The following RIMS1 variants were observed in gnomAD, a reference collection of about 807,000 sequenced individuals.
RIMS1 encodes the protein regulating synaptic membrane exocytosis protein 1.
In RIMS1, 83 loss-of-function variants were observed where a neutral mutation model predicts 214.1. The observed-to-expected ratio is 0.39, with a 90% CI of 0.32 to 0.47. The LOEUF is 0.47. Ranked by LOEUF, RIMS1 falls within the 20% of genes least tolerant of loss-of-function variation. The probability of loss-of-function intolerance (pLI) is 0.99; values close to 1 mark genes in which losing one functional copy is unlikely to be tolerated. For missense variants in RIMS1, 2,050 were observed against 2,161.8 expected, an observed-to-expected ratio of 0.95 and a Z score of 1.03; for synonymous variants, 793 against 786.8, an observed-to-expected ratio of 1.01 and a Z score of -0.13.
intron 2 of RIMS1, among the ~76,000 whole-genome samples, chr6:72,081,905 G>T (rs1200257928): frequency 6.6e-6 from 1 of 152,164 alleles, no homozygotes; most frequent in African/African-American, 2.4e-5. Flanking sequence ...TTAATTAAAT[G>T]ATGAAAACAG....
chr6:72,261,018 T>C (rs1022063530), intron 19 of RIMS1: 3 of 1,275,166 alleles, frequency 2.4e-6, no homozygotes, highest in South Asian at 1.6e-5. Context: ...CTGGGACTGT[T>C]TGCGTTCCTA....
chr6:72,091,741 T>C (rs1035140052), intron 2 of RIMS1, among the ~76,000 whole-genome samples: 1 of 152,204 alleles, frequency 6.6e-6, no homozygotes, highest in African/African-American at 2.4e-5. Context: ...AAAGTTTCAA[T>C]ATCAATGCTT....
At chr6:72,203,307 G>A (rs2015943944) in intron 6 of RIMS1, among the ~76,000 whole-genome samples, 1 of 152,102 alleles carries the variant, frequency 6.6e-6, no homozygotes, top group African/African-American at 2.4e-5. Context: ...TATTTCTATG[G>A]CACCAAATAG....
At chr6:72,221,559 T>C (rs1473936870) in intron 6 of RIMS1, among the ~76,000 whole-genome samples, 1 of 152,042 alleles carries the variant, frequency 6.6e-6, no homozygotes, top group Non-Finnish European at 1.5e-5. Context: ...TTTACAAATA[T>C]ATTTCAAACG....
intron 2 of RIMS1, among the ~76,000 whole-genome samples, chr6:71,984,354 GAAA>G (rs571595357): frequency 7.0e-6 from 1 of 142,302 alleles, no homozygotes; most frequent in Admixed American, 7.0e-5. Context: ...TGAAGGAAAA[GAAA>G]AAAAAAAACT....
intron 2 of RIMS1, among the ~76,000 whole-genome samples, chr6:72,056,156 C>T (rs894691435): frequency 1.3e-5 from 2 of 152,010 alleles, no homozygotes; most frequent in Non-Finnish European, 2.9e-5. Context: ...CAAACTGACA[C>T]ACGAACAGAA....
At chr6:72,165,944 G>T (rs1301390999) in intron 4 of RIMS1, among the ~76,000 whole-genome samples, 1 of 152,046 alleles carries the variant, frequency 6.6e-6, no homozygotes, top group East Asian at 1.9e-4. Flanking sequence ...CATTAAATAT[G>T]GTATATGTCT....
chr6:72,208,444 G>T (rs1036483261), intron 6 of RIMS1, among the ~76,000 whole-genome samples: 1 of 152,146 alleles, frequency 6.6e-6, no homozygotes, highest in Admixed American at 6.5e-5. Flanking sequence ...ACAAAGAACA[G>T]GCAAATGCTA....
intron 1 of RIMS1, among the ~76,000 whole-genome samples, chr6:71,902,493 C>A (rs1299446263): frequency 2.0e-5 from 3 of 151,988 alleles, no homozygotes; most frequent in East Asian, 1.9e-4. Context: ...CATTGTGAAA[C>A]CTGGGTCAAC....
chr6:72,182,245 T>C, intron 5 of RIMS1, 39 bp from the exon 6 acceptor site: 1 of 1,519,004 alleles, frequency 6.6e-7, no homozygotes, highest in Non-Finnish European at 8.8e-7. Flanking sequence ...GTCTAGTCTT[T>C]ATAAATTGCT....
At chr6:71,963,118 G>A (rs548006482) in intron 1 of RIMS1, among the ~76,000 whole-genome samples, 12 of 152,208 alleles carry the variant, frequency 7.9e-5, no homozygotes, top group East Asian at 3.9e-4. Context: ...ATTGAAACAC[G>A]TCTGAGGTTG....
At chr6:72,075,166 C>T (rs1260584627) in intron 2 of RIMS1, among the ~76,000 whole-genome samples, 1 of 152,062 alleles carries the variant, frequency 6.6e-6, no homozygotes, top group Non-Finnish European at 1.5e-5. Context: ...ACTGCAGCCT[C>T]GACCTTCTGG....
intron 1 of RIMS1, among the ~76,000 whole-genome samples, chr6:71,921,142 T>A (rs1779851845): frequency 6.6e-6 from 1 of 152,128 alleles, no homozygotes; most frequent in African/African-American, 2.4e-5. Flanking sequence ...TTTATTTTAT[T>A]TTTTGAGACA....
At chr6:71,898,000 G>C (rs1276175244) in intron 1 of RIMS1, among the ~76,000 whole-genome samples, 1 of 152,112 alleles carries the variant, frequency 6.6e-6, no homozygotes, top group Non-Finnish European at 1.5e-5. Context: ...GAGAGAACCA[G>C]GTTGACCAGA....
intron 9 of RIMS1, 100 bp downstream of exon 9, chr6:72,238,022 C>T: frequency 1.5e-6 from 1 of 664,340 alleles, no homozygotes. Context: ...TACATACATA[C>T]ATACATGTAT....
intron 4 of RIMS1, among the ~76,000 whole-genome samples, chr6:72,157,519 A>G (rs2044597583): frequency 7.1e-6 from 1 of 140,344 alleles, no homozygotes; most frequent in African/African-American, 2.5e-5. Flanking sequence ...TCATAATTAA[A>G]TGCTCCTTTT....
At chr6:72,005,047 A>G (rs1204447) in intron 2 of RIMS1, among the ~76,000 whole-genome samples, 32,736 of 150,880 alleles carry the variant, frequency 0.22, 4,306 homozygotes, top group East Asian at 0.33. Flanking sequence ...TAATTTTTGT[A>G]TAAGGTGTAA....
intron 6 of RIMS1, among the ~76,000 whole-genome samples, chr6:72,206,730 C>T (rs1562575838): frequency 6.6e-6 from 1 of 152,100 alleles, no homozygotes; most frequent in Non-Finnish European, 1.5e-5. Context: ...AAGTGGCAAC[C>T]CTGGGAGAGA....
At chr6:72,259,575 A>G (rs2077134431) in intron 18 of RIMS1, among the ~76,000 whole-genome samples, 1 of 151,832 alleles carries the variant, frequency 6.6e-6, no homozygotes, top group Non-Finnish European at 1.5e-5. Flanking sequence ...TTTCTGTTAT[A>G]TACTTCTTTT....
Sources: allele counts gnomAD v4.1 joint callset (sites outside exome capture counted in the v4.1 genomes callset), GRCh38; gene constraint gnomAD v4.1.1; transcripts MANE v1.5; gene names NCBI Gene and HGNC (gene_info 2026-07-23, HGNC 2026-07-21).